PIP5K1B: variants seen among roughly 807,000 people sequenced by gnomAD.
The protein encoded by PIP5K1B is phosphatidylinositol-4-phosphate 5-kinase type 1 beta.
A neutral mutation model predicts 67.0 loss-of-function variants in PIP5K1B; 42 were observed. The observed-to-expected ratio is 0.63, with a 90% CI of 0.49 to 0.81. The LOEUF is 0.81. PIP5K1B is among the 30% of genes least tolerant of loss of function. The pLI is 0.00. For missense variants in PIP5K1B, 459 were observed against 646.3 expected (o/e 0.71, Z 3.14); for synonymous variants, 214 against 231.4 (o/e 0.92, Z 0.68).
chr9:68,863,063 G>C (rs1482165454), intron 4 of PIP5K1B, among the ~76,000 whole-genome samples: 3 of 151,954 alleles, frequency 2.0e-5, no homozygotes, highest in Admixed American at 2.0e-4. Context: ...TTCATGTCAG[G>C]GTTTCTTAAC....
chr9:68,846,424 TA>T (rs1822194804), intron 4 of PIP5K1B, among the ~76,000 whole-genome samples: 1 of 152,234 alleles, frequency 6.6e-6, no homozygotes, highest in Non-Finnish European at 1.5e-5. Context: ...GCTTGGCCTC[TA>T]AATTCTTATG....
At chr9:68,863,126 C>T (rs10869432) in intron 4 of PIP5K1B, among the ~76,000 whole-genome samples, 65,833 of 151,898 alleles carry the variant, frequency 0.43, 14,504 homozygotes, top group South Asian at 0.51. Flanking sequence ...GGGAGCTGTC[C>T]TGTGCAGCAT....
At chr9:68,778,487 TTC>T (rs983546955) in intron 2 of PIP5K1B, among the ~76,000 whole-genome samples, 11 of 152,356 alleles carry the variant, frequency 7.2e-5, no homozygotes, top group African/African-American at 2.6e-4. Flanking sequence ...AATAATCTAT[TTC>T]TTTCACAATC....
At chr9:68,825,592 C>T (rs768755761) in intron 4 of PIP5K1B, among the ~76,000 whole-genome samples, 6 of 152,184 alleles carry the variant, frequency 3.9e-5, no homozygotes, top group Non-Finnish European at 7.3e-5. Flanking sequence ...AAGGTATGCA[C>T]AGATTTACTA....
At chr9:68,947,231 T>G (rs1827844621) in intron 14 of PIP5K1B, among the ~76,000 whole-genome samples, 1 of 152,042 alleles carries the variant, frequency 6.6e-6, no homozygotes, top group Admixed American at 6.5e-5. Context: ...CTCAGGTAAA[T>G]AACTGCAGGA....
intron 6 of PIP5K1B, among the ~76,000 whole-genome samples, chr9:68,885,707 G>A (rs1439873760): frequency 6.6e-6 from 1 of 152,040 alleles, no homozygotes; most frequent in Non-Finnish European, 1.5e-5. Context: ...CAGGGGATGG[G>A]GAATGACAAA....
At chr9:68,960,399 C>T (rs1227954927) in intron 14 of PIP5K1B, among the ~76,000 whole-genome samples, 1 of 152,150 alleles carries the variant, frequency 6.6e-6, no homozygotes, top group East Asian at 1.9e-4. Context: ...AATCTGCATA[C>T]TCAAGTCTTT....
intron 2 of PIP5K1B, among the ~76,000 whole-genome samples, chr9:68,775,861 A>G (rs532246599): frequency 3.5e-4 from 54 of 152,288 alleles, no homozygotes; most frequent in African/African-American, 1.2e-3. Context: ...GTTGTTGGGT[A>G]AAGAGTTCCA....
chr9:68,928,386 G>A (rs1259015805), intron 12 of PIP5K1B, among the ~76,000 whole-genome samples: 1 of 152,164 alleles, frequency 6.6e-6, no homozygotes, highest in Non-Finnish European at 1.5e-5. Context: ...GGGGAGTGTT[G>A]CCATCTTATA....
intron 2 of PIP5K1B, among the ~76,000 whole-genome samples, chr9:68,803,619 A>G (rs1032326506): frequency 2.6e-5 from 4 of 152,266 alleles, no homozygotes; most frequent in Admixed American, 2.0e-4. Context: ...GCAGACATGC[A>G]CTTCCCAACT....
intron 15 of PIP5K1B, among the ~76,000 whole-genome samples, chr9:68,998,155 C>T (rs918912376): frequency 1.3e-5 from 2 of 151,676 alleles, no homozygotes; most frequent in Non-Finnish European, 2.9e-5. Flanking sequence ...ACTGCAACCT[C>T]CACCTTCCAG....
intron 2 of PIP5K1B, among the ~76,000 whole-genome samples, chr9:68,810,125 T>C (rs1372838279): frequency 6.6e-6 from 1 of 152,208 alleles, no homozygotes; most frequent in Non-Finnish European, 1.5e-5. Flanking sequence ...TTTCGGGAAA[T>C]GCGCTAGGAA....
intron 2 of PIP5K1B, among the ~76,000 whole-genome samples, chr9:68,772,042 A>G (rs1033724704): frequency 6.6e-6 from 1 of 152,240 alleles, no homozygotes; most frequent in Non-Finnish European, 1.5e-5. Flanking sequence ...CGCTTTCTCC[A>G]TAATACTCCT....
intron 4 of PIP5K1B, among the ~76,000 whole-genome samples, chr9:68,830,575 ACT>A (rs1258093578): frequency 1.3e-5 from 2 of 151,760 alleles, no homozygotes; most frequent in African/African-American, 2.4e-5. Context: ...TTAACTGTAG[ACT>A]CTCTGTGTTT....
chr9:68,993,035 G>A (rs1830449312), intron 15 of PIP5K1B, among the ~76,000 whole-genome samples: 2 of 151,584 alleles, frequency 1.3e-5, no homozygotes, highest in African/African-American at 4.9e-5. Context: ...GGTGGCAGGC[G>A]CCTGTAGTCC....
At chr9:68,795,989 A>T (rs1587464683) in intron 2 of PIP5K1B, among the ~76,000 whole-genome samples, 1 of 152,226 alleles carries the variant, frequency 6.6e-6, no homozygotes, top group South Asian at 2.1e-4. Context: ...GAGAGAAGCG[A>T]TGCAGGTTCA....
chr9:68,905,362 G>A (rs1202708399), intron 8 of PIP5K1B, among the ~76,000 whole-genome samples: 1 of 152,186 alleles, frequency 6.6e-6, no homozygotes, highest in East Asian at 1.9e-4. Flanking sequence ...GGATCTGGTT[G>A]TGGATTCTGA....
chr9:68,785,214 A>G (rs1831542545), intron 2 of PIP5K1B, among the ~76,000 whole-genome samples: 1 of 152,142 alleles, frequency 6.6e-6, no homozygotes, highest in East Asian at 1.9e-4. Context: ...GTGTAGTTTG[A>G]ATGATTGGCT....
intron 7 of PIP5K1B, among the ~76,000 whole-genome samples, chr9:68,892,617 A>G (rs1824854762): frequency 1.3e-5 from 2 of 152,212 alleles, no homozygotes; most frequent in South Asian, 4.1e-4. Context: ...TTCCATATGG[A>G]GTAAAGACCA....
Sources: gnomAD v4.1 joint callset for allele counts (sites outside exome capture counted in the v4.1 genomes callset) on GRCh38, gnomAD v4.1.1 for gene constraint, MANE v1.5 for transcripts, NCBI Gene and HGNC (gene_info 2026-07-23, HGNC 2026-07-21) for gene names.